The following PARPBP variants were observed in gnomAD, a reference collection of about 807,000 sequenced individuals.
PARPBP encodes PCNA-interacting partner.
In PARPBP, 52 loss-of-function variants were observed where a neutral mutation model predicts 50.0. That is an observed-to-expected ratio of 1.04 (90% CI 0.83 to 1.31). PARPBP has a LOEUF of 1.31. PARPBP is among the 50% of genes most tolerant of loss of function. PARPBP has a pLI of 0.00. For missense variants in PARPBP, 697 were observed against 672.0 expected, an observed-to-expected ratio of 1.04 and a Z score of -0.41; for synonymous variants, 244 against 232.1, an observed-to-expected ratio of 1.05 and a Z score of -0.47.
rs1380262153 is a variant in PARPBP at position 102,148,336 on chromosome 12, A to G, written c.260A>G (p.His87Arg). The change falls in exon 3 of 11, where the codon CAT becomes CGT. Residue 87 changes from histidine to arginine, a missense_variant. Transcript: ENST00000327680. ...GTTGAAAACATGGACGTGACTGACC[A>G]TTATGAGGACGTTAGGAAGATTTAT... ...LPVENMDVTDHYEDVRKIYDD... is the reference protein window; with the variant it reads ...LPVENMDVTDRYEDVRKIYDD... The G allele has an allele frequency of 1.3e-6, 2 of 1,594,898 alleles. No individual in the cohort carries two copies. The highest frequency in any genetic ancestry group is 1.7e-6 in the Non-Finnish European group (2 of 1,162,898).
At chr12:102,131,034 TAAA>T (rs1882778690) in intron 2 of PARPBP, among the ~76,000 whole-genome samples, 1 of 151,882 alleles carries the variant, frequency 6.6e-6, no homozygotes, top group African/African-American at 2.4e-5. Context: ...TGGCTATAAT[TAAA>T]AAATCAAAAA....
chr12:102,153,024 T>G (rs1442883449), intron 3 of PARPBP, among the ~76,000 whole-genome samples: 2 of 151,952 alleles, frequency 1.3e-5, no homozygotes, highest in East Asian at 3.9e-4. Flanking sequence ...TATAAATATA[T>G]TTGTTATAAG....
At chr12:102,175,699 A>C (rs1889203867) in intron 7 of PARPBP, 33 bp downstream of exon 7, 2 of 1,359,690 alleles carry the variant, frequency 1.5e-6, no homozygotes, top group East Asian at 4.7e-5. Flanking sequence ...TTATCCTTTT[A>C]TACAAATCAT....
intron 2 of PARPBP, among the ~76,000 whole-genome samples, chr12:102,145,416 T>G (rs186734745): frequency 3.4e-4 from 52 of 152,268 alleles, no homozygotes; most frequent in Non-Finnish European, 5.7e-4. Context: ...CATGGTGTAT[T>G]AAAAAGGAGT....
intron 4 of PARPBP, chr12:102,155,282 CA>C (rs796786446): frequency 3.2e-4 from 48 of 149,352 alleles, no homozygotes; most frequent in African/African-American, 9.9e-4. Context: ...GACTCCATCT[CA>C]AAAAAAAACA....
intron 1 of PARPBP, among the ~76,000 whole-genome samples, chr12:102,122,705 A>T (rs1017404299): frequency 6.6e-6 from 1 of 152,198 alleles, no homozygotes; most frequent in Non-Finnish European, 1.5e-5. Context: ...ACTTAACATG[A>T]TGCTTTAAGA....
At chr12:102,137,170 G>T (rs1466468809) in intron 2 of PARPBP, among the ~76,000 whole-genome samples, 1 of 152,102 alleles carries the variant, frequency 6.6e-6, no homozygotes, top group African/African-American at 2.4e-5. Context: ...AGCCAGGATG[G>T]TCTCGATCTC....
At chr12:102,147,044 C>T (rs1406953771) in intron 2 of PARPBP, among the ~76,000 whole-genome samples, 2 of 152,012 alleles carry the variant, frequency 1.3e-5, no homozygotes, top group Non-Finnish European at 2.9e-5. Context: ...GTTAGAATGG[C>T]AATCATTAAA....
chr12:102,161,854 C>T (rs533352323), intron 4 of PARPBP, among the ~76,000 whole-genome samples: 3 of 152,266 alleles, frequency 2.0e-5, no homozygotes, highest in South Asian at 2.1e-4. Context: ...TGAATGTCTA[C>T]TTTAGACTGG....
intron 3 of PARPBP, among the ~76,000 whole-genome samples, 161 bp from the exon 4 acceptor site, chr12:102,153,708 A>G (rs911916500): frequency 9.2e-5 from 14 of 152,224 alleles, no homozygotes; most frequent in Non-Finnish European, 1.9e-4. Flanking sequence ...CCCATGGGCA[A>G]TTACATTATG....
intron 8 of PARPBP, among the ~76,000 whole-genome samples, chr12:102,179,960 C>A (rs1889667710): frequency 1.3e-5 from 2 of 152,150 alleles, no homozygotes; most frequent in Non-Finnish European, 1.5e-5. Flanking sequence ...AATCTGGCTT[C>A]ATGATTGCTT....
intron 4 of PARPBP, among the ~76,000 whole-genome samples, chr12:102,160,801 A>C (rs993004662): frequency 6.6e-6 from 1 of 151,976 alleles, no homozygotes; most frequent in African/African-American, 2.4e-5. Flanking sequence ...ATACAAAATT[A>C]GCCAGGCGTG....
intron 2 of PARPBP, among the ~76,000 whole-genome samples, chr12:102,147,520 A>G (rs945557930): frequency 7.1e-6 from 1 of 139,868 alleles, no homozygotes. Flanking sequence ...AACAATGAGA[A>G]CACATGGACA....
In PARPBP at chr12:102,148,251, T is replaced by G; in HGVS notation, c.175T>G (p.Ser59Ala). The change falls in exon 3 of 11, where the codon TCT becomes GCT. Residue 59 changes from serine to alanine, a missense_variant. Physicochemically the swap from Ser to Ala is moderately conservative, Grantham distance 99 (BLOSUM62 1). Coordinates refer to ENST00000327680, the MANE Select transcript of PARPBP (RefSeq NM_017915.5). The stretch of plus-strand genomic sequence containing the variant: ...TCAGCACAGTGGAGAATTTACAGTC[T>G]CTCTCAGTGATGTTTTATTGACATG... ...NKQHSGEFTV[S>A]LSDVLLTWKY... 6.4e-7 allele frequency: 1 copy of G among 1,573,914 alleles called. No individual in the cohort carries two copies. Among genetic ancestry groups the G allele is most frequent in the African/African-American group, 1.3e-5 (1 of 74,096 alleles).
Position 102,196,745 on chromosome 12 carries a change from A to G in PARPBP, c.*454A>G. The G allele has an allele frequency of 7.0e-7, 1 of 1,418,654 alleles. No homozygotes were observed. Among genetic ancestry groups the G allele is most frequent in the Non-Finnish European group, 9.9e-7 (1 of 1,007,202 alleles). The allele number at this position is 1,418,654 out of a possible 1,614,324, so 87.9% of individuals were successfully genotyped here. ...TTAAATTGTTTAAAGGACTATAATTATCACACAAAATTTATTAAGAAAAAA... is the reference window on the plus strand; with the variant it reads ...TTAAATTGTTTAAAGGACTATAATTGTCACACAAAATTTATTAAGAAAAAA... On this transcript the variant is annotated 3_prime_UTR_variant, in exon 11 of 11. Coordinates refer to ENST00000327680, the MANE Select transcript of PARPBP (RefSeq NM_017915.5).
intron 2 of PARPBP, among the ~76,000 whole-genome samples, chr12:102,128,243 T>G (rs1399806878): frequency 6.6e-6 from 1 of 152,190 alleles, no homozygotes; most frequent in African/African-American, 2.4e-5. Context: ...TCACCTCTTT[T>G]GTTTTTTTGA....
chr12:102,186,693 A>G lies in PARPBP; in HGVS notation c.1263+4066A>G, dbSNP rs538422606. 3.8e-4 allele frequency among the ~76,000 whole-genome samples: 58 copies of G among 152,314 alleles called. No homozygotes were observed. The South Asian group carries it at 0.011, about 28-fold the overall frequency. On this transcript the variant is annotated intron_variant, in intron 9 of 10. Coordinates refer to ENST00000327680, the MANE Select transcript of PARPBP (RefSeq NM_017915.5). Reference sequence around the variant, plus strand: ...ATTCTTTCCAACTTGGTTTAGTGGTAGTTTGCACATCAGGCACAATTGAAA... The same window carrying G: ...ATTCTTTCCAACTTGGTTTAGTGGTGGTTTGCACATCAGGCACAATTGAAA...
chr12:102,174,301 A>C (rs555295036), intron 6 of PARPBP, among the ~76,000 whole-genome samples: 1 of 152,062 alleles, frequency 6.6e-6, no homozygotes, highest in Admixed American at 6.5e-5. Flanking sequence ...TATGAGTCTG[A>C]TGATTAGGAA....
chr12:102,153,274 C>T (rs577418632), intron 3 of PARPBP, among the ~76,000 whole-genome samples: 1 of 152,306 alleles, frequency 6.6e-6, no homozygotes, highest in South Asian at 2.1e-4. Flanking sequence ...TTGAAAACCC[C>T]CTAACCTATG....
Sources: gnomAD v4.1 joint callset for allele counts (sites outside exome capture counted in the v4.1 genomes callset) on GRCh38, gnomAD v4.1.1 for gene constraint, MANE v1.5 for transcripts, NCBI Gene and HGNC (gene_info 2026-07-23, HGNC 2026-07-21) for gene names.